STX8: variants seen among roughly 807,000 people sequenced by gnomAD.
STX8 encodes the protein syntaxin 8.
In STX8, 23 loss-of-function variants were observed where a neutral mutation model predicts 37.5. The ratio of observed to expected loss-of-function variants is 0.61; its 90% CI spans 0.44 to 0.87. STX8 has a LOEUF of 0.87. Ranked by LOEUF, STX8 falls within the 40% of genes least tolerant of loss-of-function variation. STX8 has a pLI of 0.00. For synonymous variants in STX8, 115 were observed against 99.1 expected (o/e 1.16, Z -0.95); for missense variants, 313 against 284.7 (o/e 1.10, Z -0.71).
At chr17:9,543,542 C>T (rs377299983) in intron 4 of STX8, among the ~76,000 whole-genome samples, 6 of 152,108 alleles carry the variant, frequency 3.9e-5, no homozygotes, top group African/African-American at 1.4e-4. Context: ...TGAGCTCAGG[C>T]AATCCACCCA....
In STX8 at chr17:9,361,607, AATT is replaced by A. The variant is rs1202712608; in HGVS notation, c.643+16942_643+16944del. Among the ~76,000 whole-genome samples the A allele has an allele frequency of 2.6e-5, 4 of 152,252 alleles. No individual in the cohort carries two copies. The South Asian group carries it at 6.2e-4, about 24-fold the overall frequency. ...TTACTAATTAGTGCAGCAAGGTATT[AATT>A]ATTATAATTTCTAAAAATATTACAA... is the stretch of plus-strand genomic sequence containing the variant. On this transcript the variant is annotated intron_variant, in intron 7 of 7. Transcript: ENST00000306357.
intron 7 of STX8, among the ~76,000 whole-genome samples, chr17:9,273,747 T>C (rs1907555419): frequency 6.6e-6 from 1 of 152,252 alleles, no homozygotes; most frequent in Admixed American, 6.5e-5. Flanking sequence ...AATTGCAGAA[T>C]TGGCTTGAGG....
intron 6 of STX8, among the ~76,000 whole-genome samples, chr17:9,436,493 G>A (rs1340108223): frequency 2.0e-5 from 3 of 152,152 alleles, no homozygotes; most frequent in African/African-American, 7.2e-5. Flanking sequence ...AAATGATTCT[G>A]ATTTTGAAAA....
intron 7 of STX8, among the ~76,000 whole-genome samples, chr17:9,376,269 C>T (rs73255901): frequency 0.011 from 1,742 of 152,018 alleles, 33 homozygotes; most frequent in African/African-American, 0.036. Flanking sequence ...CCCCAATCAG[C>T]GCTCTGTGTC....
At chr17:9,415,830 C>T (rs943423377) in intron 6 of STX8, among the ~76,000 whole-genome samples, 2 of 152,176 alleles carry the variant, frequency 1.3e-5, no homozygotes, top group Admixed American at 6.5e-5. Flanking sequence ...TTCTTCATGG[C>T]TTTTGAAATA....
intron 4 of STX8, among the ~76,000 whole-genome samples, chr17:9,528,586 G>A (rs1417641816): frequency 6.6e-6 from 1 of 152,186 alleles, no homozygotes; most frequent in South Asian, 2.1e-4. Context: ...GGGATTACAG[G>A]CGTGAGCCAC....
intron 7 of STX8, among the ~76,000 whole-genome samples, chr17:9,279,860 C>A (rs1907816775): frequency 6.6e-6 from 1 of 152,186 alleles, no homozygotes; most frequent in African/African-American, 2.4e-5. Flanking sequence ...CCACAGAAAA[C>A]CCTTTTGAAC....
At chr17:9,492,341 C>CT (rs1207238979) in intron 5 of STX8, among the ~76,000 whole-genome samples, 4 of 152,058 alleles carry the variant, frequency 2.6e-5, no homozygotes, top group East Asian at 1.9e-4. Context: ...TAAAAAACTA[C>CT]TTTTTTTGGC....
chr17:9,404,678 C>T (rs1444543140), intron 6 of STX8, among the ~76,000 whole-genome samples: 5 of 152,190 alleles, frequency 3.3e-5, no homozygotes, highest in Non-Finnish European at 4.4e-5. Flanking sequence ...TGGTTTCGAT[C>T]TCCTGACCTC....
At chr17:9,265,657 C>T (rs1907208296) in intron 7 of STX8, among the ~76,000 whole-genome samples, 1 of 152,202 alleles carries the variant, frequency 6.6e-6, no homozygotes. Context: ...CACTGATATC[C>T]TCTGTGTCCT....
At chr17:9,327,242 G>GAAGGAGGAAGA (rs1567784962) in intron 7 of STX8, among the ~76,000 whole-genome samples, 3 of 140,048 alleles carry the variant, frequency 2.1e-5, no homozygotes, top group African/African-American at 9.5e-5. Context: ...AAGGAGGACA[G>GAAGGAGGAAGA]AGGAGGAAGG....
chr17:9,359,755 G>T (rs1219864339), intron 7 of STX8, among the ~76,000 whole-genome samples: 2 of 152,046 alleles, frequency 1.3e-5, no homozygotes, highest in Admixed American at 6.6e-5. Flanking sequence ...TGATCCGCCC[G>T]CCTTGGCCTC....
intron 6 of STX8, among the ~76,000 whole-genome samples, chr17:9,418,066 T>C (rs892749154): frequency 6.6e-6 from 1 of 152,146 alleles, no homozygotes; most frequent in African/African-American, 2.4e-5. Context: ...TGTAGCCACG[T>C]TGGACAGAAG....
At chr17:9,463,114 C>T (rs1370000681) in intron 6 of STX8, among the ~76,000 whole-genome samples, 1 of 152,204 alleles carries the variant, frequency 6.6e-6, no homozygotes, top group Non-Finnish European at 1.5e-5. Flanking sequence ...TCCCAGAACA[C>T]ATCCCTATGC....
chr17:9,264,072 C>A (rs189247219), intron 7 of STX8, among the ~76,000 whole-genome samples: 3 of 152,290 alleles, frequency 2.0e-5, no homozygotes, highest in South Asian at 2.1e-4. Context: ...TGCAAGGAAG[C>A]CCAATTAGTC....
chr17:9,566,893 C>T (rs1228597189), intron 2 of STX8, among the ~76,000 whole-genome samples: 1 of 152,092 alleles, frequency 6.6e-6, no homozygotes, highest in East Asian at 1.9e-4. Context: ...CAATGGTAGA[C>T]CAGACAGAGA....
chr17:9,496,695 G>T (rs1904418646), intron 5 of STX8, among the ~76,000 whole-genome samples: 1 of 152,182 alleles, frequency 6.6e-6, no homozygotes, highest in Non-Finnish European at 1.5e-5. Flanking sequence ...GATTAGCCTG[G>T]ATTATCCAGG....
At chr17:9,441,725 G>A (rs1461696597) in intron 6 of STX8, among the ~76,000 whole-genome samples, 1 of 142,658 alleles carries the variant, frequency 7.0e-6, no homozygotes, top group African/African-American at 2.6e-5. Flanking sequence ...GCCAAGGCTG[G>A]AGTGCAGTGG....
intron 7 of STX8, among the ~76,000 whole-genome samples, chr17:9,375,214 G>A (rs1911543008): frequency 6.6e-6 from 1 of 151,894 alleles, no homozygotes; most frequent in Non-Finnish European, 1.5e-5. Context: ...TGAGGCATGA[G>A]ATAAATGTAT....
Sources: allele counts gnomAD v4.1 joint callset (sites outside exome capture counted in the v4.1 genomes callset), GRCh38; gene constraint gnomAD v4.1.1; transcripts MANE v1.5; gene names NCBI Gene and HGNC (gene_info 2026-07-23, HGNC 2026-07-21).